Variants in PROCA1 observed in about 807,000 individuals in gnomAD.
PROCA1 encodes protein PROCA1.
In PROCA1, 22 loss-of-function variants were observed where a neutral mutation model predicts 23.2. The ratio of observed to expected loss-of-function variants is 0.95; its 90% CI spans 0.68 to 1.35. The LOEUF (loss-of-function observed/expected upper bound fraction) is 1.35, where lower values mean the gene tolerates loss of function less well. Ranked by LOEUF, PROCA1 falls within the 40% of genes most tolerant of loss-of-function variation. PROCA1 has a pLI of 0.00. For synonymous variants in PROCA1, 182 were observed against 179.2 expected, an observed-to-expected ratio of 1.02 and a Z score of -0.12; for missense variants, 469 against 459.8, an observed-to-expected ratio of 1.02 and a Z score of -0.18.
chr17:28,708,396 ACCAGCTCTTTAGTTCTT>A (rs1220599227), intron 1 of PROCA1, among the ~76,000 whole-genome samples: 1 of 151,824 alleles, frequency 6.6e-6, no homozygotes, highest in Non-Finnish European at 1.5e-5. Context: ...TCCTTCTCTA[ACCAGCTCTTTAGTTCTT>A]CCCTGTCTCC....
chr17:28,710,814 T>C, intron 1 of PROCA1: 2 of 1,304,182 alleles, frequency 1.5e-6, no homozygotes, highest in Non-Finnish European at 2.0e-6. Flanking sequence ...GGGAGGCTTA[T>C]GGCGTCTTTC....
intron 1 of PROCA1, 87 bp from the exon 2 acceptor site, chr17:28,706,850 T>A (rs2032502781): frequency 2.4e-6 from 3 of 1,259,280 alleles, no homozygotes; most frequent in African/African-American, 1.6e-5. Flanking sequence ...ACTCCACATG[T>A]CAGGCCCTCG....
intron 1 of PROCA1, among the ~76,000 whole-genome samples, chr17:28,708,284 C>G (rs1009788163): frequency 6.6e-6 from 1 of 152,122 alleles, no homozygotes; most frequent in Non-Finnish European, 1.5e-5. Flanking sequence ...GGATTACAGG[C>G]GTGAGCCACT....
chr17:28,711,482 C>G, intron 1 of PROCA1, 88 bp downstream of exon 1: 1 of 1,121,746 alleles, frequency 8.9e-7, no homozygotes, highest in South Asian at 1.5e-5. Flanking sequence ...CCGTCTCCCT[C>G]GTCGGTTTGC....
At position 28,711,753 on chromosome 17, in the gene PROCA1, C is replaced by T; in HGVS notation, c.-93G>A. ...GCCGAGCCCTCGGCCCAGCCGTGAA[C>T]TCCAGTCTCGGCTTCGCCCCCGCCT... On this transcript the variant is annotated 5_prime_UTR_variant, in exon 1 of 5. Transcript: ENST00000682792. The T allele has an allele frequency of 8.8e-7, 1 of 1,133,296 alleles. No homozygotes were observed. The highest frequency in any genetic ancestry group is 2.8e-5 in the Admixed American group (1 of 35,670). The allele number at this position is 1,133,296 out of a possible 1,614,324, so 70.2% of individuals were successfully genotyped here. A position where few individuals can be genotyped will look rare whatever the true frequency, so the allele number is the denominator to read the frequency against.
chr17:28,704,490 G>A, intron 3 of PROCA1, 55 bp from the exon 4 acceptor site: 1 of 1,581,418 alleles, frequency 6.3e-7, no homozygotes, highest in Non-Finnish European at 8.6e-7. Context: ...GGGACCCAGA[G>A]CCAGAAGCCT....
rs761150222 is a variant in PROCA1 at position 28,704,089 on chromosome 17, C to T, written c.564G>A (p.Pro188=). ...EEEEESKPPI[P]TQVGPATASP... Reference sequence around the variant, plus strand: ...AGGCGGTGGCGGGCCCCACCTGTGTCGGGATGGGGGGCTTGCTTTCCTCCT... The same window carrying T: ...AGGCGGTGGCGGGCCCCACCTGTGTTGGGATGGGGGGCTTGCTTTCCTCCT... Residue 188 remains proline, a synonymous_variant, in exon 5 of 5, where the codon CCG becomes CCA. Transcript: ENST00000682792. The T allele has an allele frequency of 2.2e-5, 35 of 1,589,906 alleles. No individual in the cohort carries two copies. The highest frequency in any genetic ancestry group is 9.0e-5 in the East Asian group (4 of 44,676).
intron 1 of PROCA1, chr17:28,711,150 T>A: frequency 8.4e-7 from 1 of 1,184,846 alleles, no homozygotes; most frequent in African/African-American, 1.6e-5. Context: ...CTCAGTCTCC[T>A]TGGTCCACCC....
At chr17:28,708,708 G>A (rs1225742699) in intron 1 of PROCA1, among the ~76,000 whole-genome samples, 1 of 138,774 alleles carries the variant, frequency 7.2e-6, no homozygotes, top group Non-Finnish European at 1.5e-5. Flanking sequence ...GCAATATAGC[G>A]AGACCCCGTT....
In PROCA1 at chr17:28,704,714, T is replaced by G. The variant is rs778179510; in HGVS notation, c.305A>C (p.Asn102Thr). Residue 102 changes from asparagine (N) to threonine (T), a missense_variant, in exon 3 of 5, where the codon AAT (asparagine) becomes ACT (threonine). Coordinates refer to ENST00000682792, the MANE Select transcript of PROCA1 (RefSeq NM_001366301.1). ...HLHSVNHCNC[N>T]SRLKDSSEDS... Reference sequence around the variant, plus strand: ...CAAGGGGGCGGGCCCTCACCTAGAATTACAGTTGCAGTGGTTGACAGAGTG... The same window carrying G: ...CAAGGGGGCGGGCCCTCACCTAGAAGTACAGTTGCAGTGGTTGACAGAGTG... The G allele has an allele frequency of 1.9e-6, 3 of 1,614,052 alleles. No individual in the cohort carries two copies. In the South Asian group the frequency reaches 3.3e-5, roughly 18 times the overall value.
At chr17:28,704,481 G>C in intron 3 of PROCA1, 46 bp from the exon 4 acceptor site, 7 of 1,588,178 alleles carry the variant, frequency 4.4e-6, no homozygotes, top group Non-Finnish European at 6.0e-6. Context: ...ACTCCCCCAG[G>C]GACCCAGAGC....
chr17:28,711,413 GCCCCGGC>G, intron 1 of PROCA1, 150 bp downstream of exon 1: 1 of 515,264 alleles, frequency 1.9e-6, no homozygotes, highest in South Asian at 3.2e-5. Flanking sequence ...CCCTAGCTCC[GCCCCGGC>G]CCTAGCTCCG....
At position 28,711,843 on chromosome 17, in the gene PROCA1, C is replaced by G. The variant is rs994850825; in HGVS notation, c.-183G>C. On this transcript the variant is annotated 5_prime_UTR_variant, in exon 1 of 5. Coordinates refer to ENST00000682792, the MANE Select transcript of PROCA1 (RefSeq NM_001366301.1). ...GCCTCCCCAGCCCGGCTCCAGGCTG[C>G]GTAGTCTTCCCAGCTGGGTCTCAGC... The G allele has an allele frequency of 5.9e-4, 317 of 539,044 alleles. 1 individual carries two copies. Among genetic ancestry groups the G allele is most frequent in the Middle Eastern group, 8.1e-4 (2 of 2,462 alleles). 33.4% of individuals were successfully genotyped at this position (539,044 alleles called of 1,614,324 possible).
At position 28,703,754 on chromosome 17, in the gene PROCA1, C is replaced by T. The variant is rs201073389; in HGVS notation, c.899G>A (p.Arg300Gln). The change falls in exon 5 of 5, where the codon CGG becomes CAG. Residue 300 changes from arginine to glutamine, a missense_variant. By Grantham distance (43) the Arg-to-Gln change is conservative (BLOSUM62 1). Transcript: ENST00000682792. ...ARMSESSPES[R>Q]EELESEDSYN... ...ACTGTCCTCGCTCTCCAGCTCTTCCCGGCTTTCTGGGCTGGACTCGGACAT... is the reference window on the plus strand; with the variant it reads ...ACTGTCCTCGCTCTCCAGCTCTTCCTGGCTTTCTGGGCTGGACTCGGACAT... 1.8e-5 allele frequency: 29 copies of T among 1,614,106 alleles called. No homozygotes were observed. The highest frequency in any genetic ancestry group is 2.2e-5 in the East Asian group (1 of 44,878).
intron 3 of PROCA1, 47 bp downstream of exon 3, chr17:28,704,661 T>C (rs762505894): frequency 1.2e-6 from 2 of 1,608,218 alleles, no homozygotes; most frequent in Admixed American, 3.4e-5. Context: ...ACAATGAAAG[T>C]TCGGACCTGG....
chr17:28,711,207 C>CT, intron 1 of PROCA1: 1 of 1,127,778 alleles, frequency 8.9e-7, no homozygotes, highest in South Asian at 2.0e-5. Flanking sequence ...TCCGGGTGGG[C>CT]GCTGGTCCAC....
At chr17:28,704,513 G>GC in intron 3 of PROCA1, 78 bp from the exon 4 acceptor site, 1 of 1,559,978 alleles carries the variant, frequency 6.4e-7, no homozygotes, top group Non-Finnish European at 8.7e-7. Context: ...GGGACAGTGG[G>GC]CTTCCGCTGG....
chr17:28,711,717 G>T lies in PROCA1; in HGVS notation c.-57C>A. 1 of 1,507,214 alleles carries T rather than the reference G, an allele frequency of 6.6e-7. No individual in the cohort carries two copies. The allele number at this position is 1,507,214 out of a possible 1,614,324, so 93.4% of individuals were successfully genotyped here. ...ACTCTTGCGTGAAGTCCAACCCTGAGCCTCAGCCCGGCCGAGCCCTCGGCC... is the reference window on the plus strand; with the variant it reads ...ACTCTTGCGTGAAGTCCAACCCTGATCCTCAGCCCGGCCGAGCCCTCGGCC... On this transcript the variant is annotated 5_prime_UTR_variant, in exon 1 of 5. Transcript: ENST00000682792.
At chr17:28,711,217 C>G (rs888824615) in intron 1 of PROCA1, 2 of 1,091,176 alleles carry the variant, frequency 1.8e-6, no homozygotes, top group Non-Finnish European at 2.3e-6. Flanking sequence ...CGCTGGTCCA[C>G]GGGCTCCAGC....
Sources: allele counts gnomAD v4.1 joint callset (sites outside exome capture counted in the v4.1 genomes callset), GRCh38; gene constraint gnomAD v4.1.1; transcripts MANE v1.5; gene names NCBI Gene and HGNC (gene_info 2026-07-23, HGNC 2026-07-21).